Variants in HTR2C observed in about 807,000 individuals in gnomAD.
HTR2C encodes 5-hydroxytryptamine receptor 2C.
A neutral mutation model predicts 21.0 loss-of-function variants in HTR2C; 5 were observed. That is an observed-to-expected ratio of 0.24 (90% confidence interval 0.12 to 0.50). HTR2C has a LOEUF of 0.50. Among genes scored for constraint, HTR2C ranks in the 20% least tolerant of loss-of-function variants. The probability of loss-of-function intolerance (pLI) is 0.98; values close to 1 mark genes in which losing one functional copy is unlikely to be tolerated. For synonymous variants in HTR2C, 150 were observed against 145.3 expected (o/e 1.03, Z -0.23); for missense variants, 271 against 371.2 (o/e 0.73, Z 2.22).
chrX:114,702,616 C>G (rs149848140), intron 2 of HTR2C, among the ~76,000 whole-genome samples: 2,430 of 111,159 alleles, frequency 0.022, 70 homozygotes, highest in African/African-American at 0.075. Context: ...ATGCCAAATT[C>G]TAAAGACCAT....
At chrX:114,750,518 T>C (rs192540692) in intron 4 of HTR2C, among the ~76,000 whole-genome samples, 6 of 112,420 alleles carry the variant, frequency 5.3e-5, no homozygotes, top group African/African-American at 1.9e-4. Flanking sequence ...TTGCAGGAAA[T>C]GACAATAATC....
chrX:114,861,497 A>G (rs1455382888), intron 5 of HTR2C, among the ~76,000 whole-genome samples: 1 of 111,427 alleles, frequency 9.0e-6, no homozygotes, highest in Non-Finnish European at 1.9e-5. Flanking sequence ...GGGAGAGCAC[A>G]TATCTTTACA....
chrX:114,728,704 A>G (rs1267578628), intron 3 of HTR2C, among the ~76,000 whole-genome samples: 1 of 111,342 alleles, frequency 9.0e-6, no homozygotes, highest in Non-Finnish European at 1.9e-5. Context: ...AAATTTTCTG[A>G]CCAGTAGGGA....
chrX:114,711,869 C>T (rs1017638125), intron 2 of HTR2C, among the ~76,000 whole-genome samples: 8 of 111,755 alleles, frequency 7.2e-5, no homozygotes, highest in African/African-American at 9.7e-5. Context: ...TTCATAAACA[C>T]AATACCTGCA....
At chrX:114,698,159 T>C (rs1932336139) in intron 2 of HTR2C, among the ~76,000 whole-genome samples, 2 of 112,109 alleles carry the variant, frequency 1.8e-5, no homozygotes, top group South Asian at 7.3e-4. Flanking sequence ...TTTTTCATGC[T>C]TCACTTGGAC....
rs186385594 is a variant in HTR2C, at chrX:114,815,921, A to G, written c.350-32082A>G. On this transcript the variant is annotated intron_variant, in intron 4 of 5. Transcript: ENST00000276198. ...CACTTTTATTCACAAATATCATTCT[A>G]TGACATCATTACTGATCTCCTTGAC... 3.4e-3 allele frequency among the ~76,000 whole-genome samples: 373 copies of G among 110,876 alleles called. 2 individuals are homozygous for G. Among genetic ancestry groups the G allele is most frequent in the African/African-American group, 0.012 (355 of 30,648 alleles).
chrX:114,888,107 C>T (rs1268951463), intron 5 of HTR2C, among the ~76,000 whole-genome samples: 1 of 111,940 alleles, frequency 8.9e-6, no homozygotes, highest in Non-Finnish European at 1.9e-5. Flanking sequence ...CCAAATTTTT[C>T]TCCATGTATT....
At position 114,864,152 on chromosome X, in the gene HTR2C, G is replaced by A. The variant is rs1343634108; in HGVS notation, c.550+15949G>A. 2.7e-5 allele frequency among the ~76,000 whole-genome samples: 3 copies of A among 109,713 alleles called. No individual in the cohort carries two copies. The South Asian group carries it at 1.2e-3, about 42-fold the overall frequency. On this transcript the variant is annotated intron_variant, in intron 5 of 5. Transcript: ENST00000276198. ...ATTCAAGGTTATTATTGACAGATAAGGACTTGCTACTGCCATTTTCTTGTT... is the reference window on the plus strand; with the variant it reads ...ATTCAAGGTTATTATTGACAGATAAAGACTTGCTACTGCCATTTTCTTGTT...
chrX:114,664,509 C>A (rs782596139), intron 2 of HTR2C, among the ~76,000 whole-genome samples: 3 of 111,825 alleles, frequency 2.7e-5, no homozygotes, highest in Non-Finnish European at 5.6e-5. Context: ...CTGAGGATAA[C>A]GGCTTCAAGC....
intron 4 of HTR2C, among the ~76,000 whole-genome samples, chrX:114,741,525 A>T (rs1279691987): frequency 3.8e-5 from 2 of 52,907 alleles, no homozygotes; most frequent in Non-Finnish European, 6.2e-5. Context: ...GACTCCGTCT[A>T]AAAAAAAAAA....
intron 2 of HTR2C, among the ~76,000 whole-genome samples, chrX:114,660,455 T>C: frequency 8.9e-6 from 1 of 112,428 alleles, no homozygotes. Flanking sequence ...TTTTCATTTT[T>C]ACTTCTCCAA....
Position 114,728,018 on chromosome X carries a change from C to T in HTR2C, c.35+1047C>T, listed in dbSNP as rs182166589. 8.1e-5 allele frequency among the ~76,000 whole-genome samples: 9 copies of T among 111,446 alleles called. No homozygotes were observed. The East Asian group carries it at 1.7e-3, about 21-fold the overall frequency. On this transcript the variant is annotated intron_variant, in intron 3 of 5. Transcript: ENST00000276198. ...CCCATATACCAAAGTGTAGGACTGC[C>T]GTAAAGGGCACCAAATTATTCTGCT...
At chrX:114,837,167 T>A (rs1262992034) in intron 4 of HTR2C, among the ~76,000 whole-genome samples, 1 of 112,180 alleles carries the variant, frequency 8.9e-6, no homozygotes, top group African/African-American at 3.2e-5. Context: ...TTTACTGTGA[T>A]ACATCTTCAA....
chrX:114,826,386 C>A (rs1556458488), intron 4 of HTR2C, among the ~76,000 whole-genome samples: 1 of 111,821 alleles, frequency 8.9e-6, no homozygotes, highest in Non-Finnish European at 1.9e-5. Context: ...GCTTTTTGAA[C>A]ATCTATATGG....
rs184810914 is a variant in HTR2C, at chrX:114,741,888, T to C, written c.349+10281T>C. Among the ~76,000 whole-genome samples, 11 of 110,319 alleles carry C rather than the reference T, an allele frequency of 1.0e-4. No individual in the cohort carries two copies. In the East Asian group the frequency reaches 2.3e-3, roughly 23 times the overall value. Reference sequence around the variant, plus strand: ...TATGGGAATGAGGTTCCCTTTTTTTTTCCTCTCTTTTCTCTAGTAGCTTTG... The same window carrying C: ...TATGGGAATGAGGTTCCCTTTTTTTCTCCTCTCTTTTCTCTAGTAGCTTTG... On this transcript the variant is annotated intron_variant, in intron 4 of 5. Coordinates refer to ENST00000276198, the MANE Select transcript of HTR2C (RefSeq NM_000868.4).
intron 1 of HTR2C, among the ~76,000 whole-genome samples, chrX:114,601,745 A>T (rs1928104096): frequency 9.4e-6 from 1 of 106,940 alleles, no homozygotes; most frequent in African/African-American, 3.4e-5. Flanking sequence ...TATATTAATA[A>T]GAAAAATAAA....
At chrX:114,742,750 C>G (rs1472988306) in intron 4 of HTR2C, among the ~76,000 whole-genome samples, 1 of 59,767 alleles carries the variant, frequency 1.7e-5, no homozygotes, top group East Asian at 6.9e-4. Flanking sequence ...TTATTATACT[C>G]TAAGTTTTAG....
chrX:114,849,706 CATCTATGTAAATGAGAGAA>C (rs1276238435), intron 5 of HTR2C, among the ~76,000 whole-genome samples: 17 of 112,003 alleles, frequency 1.5e-4, no homozygotes, highest in African/African-American at 5.5e-4. Context: ...TGGTTCAAGT[CATCTATGTAAATGAGAGAA>C]ATCTTGGGCC....
intron 5 of HTR2C, among the ~76,000 whole-genome samples, chrX:114,903,855 A>G (rs1569503371): frequency 1.8e-5 from 2 of 111,978 alleles, no homozygotes; most frequent in Admixed American, 9.5e-5. Flanking sequence ...CCCCAGATTG[A>G]GTCTCTAGCC....
Sources: allele counts gnomAD v4.1 joint callset (sites outside exome capture counted in the v4.1 genomes callset), GRCh38; gene constraint gnomAD v4.1.1; transcripts MANE v1.5; gene names NCBI Gene and HGNC (gene_info 2026-07-23, HGNC 2026-07-21).